UNC13D: variants seen among roughly 807,000 people sequenced by gnomAD.
UNC13D encodes unc-13 homolog D.
In UNC13D, 115 loss-of-function variants were observed where a neutral mutation model predicts 151.7. The ratio of observed to expected loss-of-function variants is 0.76; its 90% confidence interval spans 0.65 to 0.88. The LOEUF is 0.88. Among genes scored for constraint, UNC13D ranks in the 40% least tolerant of loss-of-function variants. UNC13D has a pLI of 0.00. For synonymous variants in UNC13D, 588 were observed against 612.2 expected (o/e 0.96, Z 0.58); for missense variants, 1,369 against 1,438.7 (o/e 0.95, Z 0.78).
intron 30 of UNC13D, 27 bp downstream of exon 30, chr17:75,830,000 GA>G: frequency 4.5e-6 from 7 of 1,568,138 alleles, no homozygotes; most frequent in Non-Finnish European, 6.1e-6. Flanking sequence ...TGAGGGGAGG[GA>G]CTGGGAGAAG....
In UNC13D at chr17:75,836,844, C is replaced by T. The variant is rs939002658; in HGVS notation, c.1130G>A (p.Ser377Asn). The T allele has an allele frequency of 6.2e-7, 1 of 1,613,936 alleles. No individual in the cohort carries two copies. Among genetic ancestry groups the T allele is most frequent in the Non-Finnish European group, 8.5e-7 (1 of 1,180,040 alleles). The change falls in exon 13 of 32, where the codon AGC (serine) becomes AAC (asparagine). Residue 377 changes from serine to asparagine, a missense_variant. Ser to Asn is a conservative substitution (Grantham distance 46, BLOSUM62 1). This residue lies in a region of UNC13D where 550 missense variants were observed against 609.0 expected (regional missense o/e 0.90). Coordinates refer to ENST00000207549, the MANE Select transcript of UNC13D (RefSeq NM_199242.3). Reference sequence around the variant, plus strand: ...ACCCTGGATCCACTGGTACTCGATGCTGGTGATGGGGTGCAGGAGGCAGCT... The same window carrying T: ...ACCCTGGATCCACTGGTACTCGATGTTGGTGATGGGGTGCAGGAGGCAGCT... ...PSSCLLHPIT[S>N]IEYQWIQGRL...
chr17:75,834,814 G>A, intron 21 of UNC13D, 98 bp from the exon 22 acceptor site: 1 of 1,608,844 alleles, frequency 6.2e-7, no homozygotes, highest in Non-Finnish European at 8.5e-7. Flanking sequence ...GGGGGATTTA[G>A]AATACAGGCC....
intron 27 of UNC13D, 88 bp from the exon 28 acceptor site, chr17:75,830,749 A>T: frequency 1.4e-6 from 2 of 1,452,294 alleles, no homozygotes; most frequent in Non-Finnish European, 1.9e-6. Flanking sequence ...TGTCAAGGGT[A>T]ACATGTCCGT....
intron 12 of UNC13D, among the ~76,000 whole-genome samples, chr17:75,838,311 C>T (rs1014902590): frequency 8.6e-5 from 13 of 151,848 alleles, no homozygotes; most frequent in African/African-American, 1.2e-4. Context: ...CTCCACCTCC[C>T]GGGTTCAAGT....
intron 20 of UNC13D, 106 bp downstream of exon 20, chr17:75,835,303 T>C: frequency 6.9e-7 from 1 of 1,456,658 alleles, no homozygotes; most frequent in South Asian, 1.2e-5. Context: ...CCAAAAGGGA[T>C]GTTCAGAGCG....
In UNC13D at chr17:75,836,473, C is replaced by A. The variant is rs546453245; in HGVS notation, c.1299-44G>T. The A allele has an allele frequency of 3.5e-5, 56 of 1,612,186 alleles. No individual in the cohort carries two copies. The South Asian group carries it at 6.1e-4, about 18-fold the overall frequency. Reference sequence around the variant, plus strand: ...TGTGTCGAAAGTGCCTGCTGCCCCACACTGCACTCACTCCTCCAACAATTC... The same window carrying A: ...TGTGTCGAAAGTGCCTGCTGCCCCAAACTGCACTCACTCCTCCAACAATTC... On this transcript the variant is annotated intron_variant, in intron 14 of 31. Coordinates refer to ENST00000207549, the MANE Select transcript of UNC13D (RefSeq NM_199242.3).
chr17:75,840,358 G>A lies in UNC13D; in HGVS notation c.754-29C>T, dbSNP rs769603035. ...ACAGGCGGGGATGCCCAGCCCGTGA[G>A]CGTCAGAACCTCATAGAGTCGGGGC... On this transcript the variant is annotated intron_variant, in intron 9 of 31. Coordinates refer to ENST00000207549, the MANE Select transcript of UNC13D (RefSeq NM_199242.3). The surrounding 1 kb of genome is among the most constrained non-coding windows in gnomAD (Gnocchi z 4.6). The A allele has an allele frequency of 6.2e-7, 1 of 1,611,800 alleles. No homozygotes were observed. The highest frequency in any genetic ancestry group is 1.1e-5 in the South Asian group (1 of 91,000).
chr17:75,838,923 A>G (rs1324948762), intron 12 of UNC13D, among the ~76,000 whole-genome samples: 3 of 151,806 alleles, frequency 2.0e-5, no homozygotes, highest in East Asian at 3.9e-4. Context: ...ACACGGTGAA[A>G]CCCCATCTCT....
At chr17:75,828,669 C>G in intron 31 of UNC13D, 118 bp downstream of exon 31, 1 of 1,183,414 alleles carries the variant, frequency 8.5e-7, no homozygotes, top group Non-Finnish European at 1.1e-6. Flanking sequence ...GTGGCTGTCC[C>G]ACTGGCTCCC....
Position 75,834,713 on chromosome 17 carries a change from T to A in UNC13D, c.1996A>T (p.Thr666Ser). ...CAGTACACCAGGGCCAGGCGACAGG[T>A]GTCCTAGGGTGGGGTTGGACAGAGG... ...FMITVKFVEDTCRLALVYCSL... is the reference protein window; with the variant it reads ...FMITVKFVEDSCRLALVYCSL... Residue 666 changes from threonine to serine, a missense_variant, in exon 22 of 32, where the codon ACC becomes TCC. Transcript: ENST00000207549. 6.2e-7 allele frequency: 1 copy of A among 1,613,370 alleles called. No individual in the cohort carries two copies.
intron 1 of UNC13D, 22 bp from the exon 2 acceptor site, chr17:75,843,541 C>T: frequency 6.2e-7 from 1 of 1,610,146 alleles, no homozygotes; most frequent in African/African-American, 1.3e-5. Context: ...GGTGGAAAGG[C>T]AGTGTCCCGG....
intron 12 of UNC13D, among the ~76,000 whole-genome samples, chr17:75,838,773 G>A (rs761138462): frequency 2.7e-4 from 41 of 152,204 alleles, no homozygotes; most frequent in Non-Finnish European, 5.7e-4. Context: ...ATGATGGGCA[G>A]AGGCACACAC....
intron 29 of UNC13D, 60 bp downstream of exon 29, chr17:75,830,302 G>T: frequency 6.3e-7 from 1 of 1,576,674 alleles, no homozygotes. Context: ...CCCCAGGGTC[G>T]CTGAGACAGG....
chr17:75,829,718 GTAGC>G, intron 30 of UNC13D: 1 of 353,922 alleles, frequency 2.8e-6, no homozygotes, highest in Admixed American at 4.0e-5. Context: ...AGCCTCCCGA[GTAGC>G]TGAGAGTACA....
Position 75,830,455 on chromosome 17 carries a change from C to T in UNC13D, c.2737G>A (p.Ala913Thr). The part of the protein sequence containing the change: ...QAETTSEELG[A>T]VTVKASYRAS... ...CGGTAGGAGGCCTTGACTGTCACAG[C>T]CCCCAGCTCCTCAGAGGTGGTTTCT... The change falls in exon 29 of 32, where the codon GCT becomes ACT. Residue 913 changes from alanine to threonine, a missense_variant. Transcript: ENST00000207549. The T allele has an allele frequency of 6.3e-7, 1 of 1,588,366 alleles. No individual in the cohort carries two copies. The highest frequency in any genetic ancestry group is 8.6e-7 in the Non-Finnish European group (1 of 1,168,210).
Position 75,830,580 on chromosome 17 carries a change from G to A in UNC13D, c.2707C>T (p.Gln903Ter). 6.4e-6 allele frequency: 10 copies of A among 1,562,970 alleles called. No individual in the cohort carries two copies. Among genetic ancestry groups the A allele is most frequent in the Non-Finnish European group, 8.7e-6 (10 of 1,153,644 alleles). The change falls in exon 28 of 32, where the codon CAG becomes TAG. Residue 903 changes from glutamine (Q) to a stop codon, truncating the protein, a stop_gained and splice_region_variant. Transcript: ENST00000207549. LOFTEE classifies it high-confidence loss of function. ...GCAGTGCGAGGGAGGGGCCTCACCT[G>A]CTGCTGGATTCGGCTGCAGAAGTAC... ...RKYFCSRIQQ[Q>*]AETTSEELGA...
chr17:75,830,364 T>C lies in UNC13D; in HGVS notation c.2828A>G (p.Asn943Ser), dbSNP rs147748627. The C allele has an allele frequency of 5.3e-4, 849 of 1,593,638 alleles. No individual in the cohort carries two copies. Among genetic ancestry groups the C allele is most frequent in the African/African-American group, 4.6e-3 (347 of 74,784 alleles). ...GGCCAAAGGCAGCCTCCACTCACCA[T>C]TGGAGTCCAGGGGCAGCAGGCTGGA... is the stretch of plus-strand genomic sequence containing the variant. ...SASSLLPLDS[N>S]GSSDPFVQLT... is the part of the protein sequence containing the mutation. The change falls in exon 29 of 32, where the codon AAT (asparagine) becomes AGT (serine). Residue 943 changes from asparagine (N) to serine (S), a missense_variant and splice_region_variant. Coordinates refer to ENST00000207549, the MANE Select transcript of UNC13D (RefSeq NM_199242.3).
rs1376263454 is a variant in UNC13D at position 75,842,626 on chromosome 17, G to A, written c.389-13C>T. ...GGGTCGCTGAACCCTGTGGAGGAGTGGGGAAGACGAGGCAGCCAGGGAGTC... is the reference window on the plus strand; with the variant it reads ...GGGTCGCTGAACCCTGTGGAGGAGTAGGGAAGACGAGGCAGCCAGGGAGTC... On this transcript the variant is annotated splice_polypyrimidine_tract_variant and intron_variant, in intron 5 of 31. Transcript: ENST00000207549. The A allele has an allele frequency of 5.0e-6, 8 of 1,610,868 alleles. No homozygotes were observed. Among genetic ancestry groups the A allele is most frequent in the Non-Finnish European group, 5.9e-6 (7 of 1,179,834 alleles).
chr17:75,831,482 C>T, intron 25 of UNC13D, 134 bp from the exon 26 acceptor site: 1 of 762,588 alleles, frequency 1.3e-6, no homozygotes, highest in Non-Finnish European at 2.1e-6. Flanking sequence ...CAACCTCCCC[C>T]TCCGCCTCCC....
Sources: gnomAD v4.1 joint callset for allele counts (sites outside exome capture counted in the v4.1 genomes callset) on GRCh38, gnomAD v4.1.1 for gene constraint, gnomAD v4.1.1 regional missense constraint, Gnocchi (gnomAD v3.1) non-coding constraint, MANE v1.5 for transcripts, NCBI Gene and HGNC (gene_info 2026-07-23, HGNC 2026-07-21) for gene names.